ZDHHC23: variants seen among roughly 807,000 people sequenced by gnomAD.
ZDHHC23 encodes the protein zDHHC palmitoyltransferase 23.
In ZDHHC23, 41 loss-of-function variants were observed where a neutral mutation model predicts 40.2. That is an observed-to-expected ratio of 1.02 (90% CI 0.79 to 1.32). The LOEUF (loss-of-function observed/expected upper bound fraction) is 1.32, where lower values mean the gene tolerates loss of function less well. ZDHHC23 is among the 40% of genes most tolerant of loss of function. The pLI, the probability that ZDHHC23 is intolerant of heterozygous loss-of-function variation, is 0.00. For synonymous variants in ZDHHC23, 204 were observed against 210.2 expected (o/e 0.97, Z 0.26); for missense variants, 471 against 541.5 (o/e 0.87, Z 1.29).
chr3:113,953,356 T>C (rs1559842948), intron 2 of ZDHHC23, among the ~76,000 whole-genome samples: 1 of 152,254 alleles, frequency 6.6e-6, no homozygotes, highest in Non-Finnish European at 1.5e-5. Context: ...ACTTACCTAA[T>C]AGTTCTTAAA....
intron 2 of ZDHHC23, among the ~76,000 whole-genome samples, chr3:113,952,459 C>T (rs901986941): frequency 7.9e-5 from 12 of 152,192 alleles, no homozygotes; most frequent in African/African-American, 2.9e-4. Flanking sequence ...TTGAGGCTTT[C>T]TCTGCAGCTC....
At chr3:113,957,452 A>C in intron 4 of ZDHHC23, 1 of 354,770 alleles carries the variant, frequency 2.8e-6, no homozygotes. Context: ...GAGTATCTCC[A>C]GCATGTGAAT....
chr3:113,954,869 G>A (rs1293606844), intron 3 of ZDHHC23, among the ~76,000 whole-genome samples: 2 of 152,046 alleles, frequency 1.3e-5, no homozygotes, highest in East Asian at 3.8e-4. Flanking sequence ...TGATGCTACC[G>A]ATGATTTCCA....
At position 113,954,306 on chromosome 3, in the gene ZDHHC23, G is replaced by A. The variant is rs778568426; in HGVS notation, c.768G>A (p.Ala256=). The A allele has an allele frequency of 5.7e-5, 92 of 1,613,966 alleles. No homozygotes were observed. The highest frequency in any genetic ancestry group is 2.7e-4 in the East Asian group (12 of 44,896). ...TGCCAGCTGGAAGCCCCACCAAAGC[G>A]AAGGAGGACTGGTGTGCCAAGTGCC... ...SKMPAGSPTK[A]KEDWCAKCQL... Residue 256 remains alanine, a synonymous_variant, in exon 3 of 5, where the codon GCG becomes GCA. Coordinates refer to ENST00000638807, the MANE Select transcript of ZDHHC23 (RefSeq NM_001320466.2).
chr3:113,958,096 T>C (rs1397008509), intron 4 of ZDHHC23, among the ~76,000 whole-genome samples: 1 of 152,070 alleles, frequency 6.6e-6, no homozygotes, highest in Admixed American at 6.6e-5. Flanking sequence ...GCGTGCTGGG[T>C]GTGTGGAGGG....
Position 113,960,930 on chromosome 3 carries a change from A to AG in ZDHHC23, c.*2304dup. 1.4e-6 allele frequency: 1 copy of AG among 718,854 alleles called. No individual in the cohort carries two copies. The highest frequency in any genetic ancestry group is 2.1e-6 in the Non-Finnish European group (1 of 475,364). The allele number at this position is 718,854 out of a possible 1,614,324, so 44.5% of individuals were successfully genotyped here. ...TCTGTACCGAAAGGAGCAGCAAACA[A>AG]GGGGCTAATCCATGAGCAGTGTTCT... On this transcript the variant is annotated 3_prime_UTR_variant, in exon 5 of 5. Coordinates refer to ENST00000638807, the MANE Select transcript of ZDHHC23 (RefSeq NM_001320466.2).
chr3:113,963,732 G>C (rs887899110), downstream of ZDHHC23, among the ~76,000 whole-genome samples: 3 of 151,764 alleles, frequency 2.0e-5, no homozygotes, highest in African/African-American at 7.3e-5. Context: ...GACAGAGTGA[G>C]ACCCTGTCTC....
chr3:113,958,846 A>G lies in ZDHHC23; in HGVS notation c.*216A>G. On this transcript the variant is annotated 3_prime_UTR_variant, in exon 5 of 5. Coordinates refer to ENST00000638807, the MANE Select transcript of ZDHHC23 (RefSeq NM_001320466.2). ...AGTAAAAGTAGAGCCATTCCTTTCC[A>G]GTCACCTTTTTAATTGACTCAGTTG... The G allele has an allele frequency of 7.3e-7, 1 of 1,373,040 alleles. No individual in the cohort carries two copies. Among genetic ancestry groups the G allele is most frequent in the Non-Finnish European group, 9.6e-7 (1 of 1,045,086 alleles). The allele number at this position is 1,373,040 out of a possible 1,614,324, so 85.1% of individuals were successfully genotyped here. A position where few individuals can be genotyped will look rare whatever the true frequency, so the allele number is the denominator to read the frequency against.
chr3:113,953,912 T>G lies in ZDHHC23; in HGVS notation c.374T>G (p.Leu125Arg). The change falls in exon 3 of 5, where the codon CTG (leucine) becomes CGG (arginine). Residue 125 changes from leucine to arginine, a missense_variant. Transcript: ENST00000638807. ...VVLTSLPVLALWYYYLTHRRK... is the reference protein window; with the variant it reads ...VVLTSLPVLARWYYYLTHRRK... Reference sequence around the variant, plus strand: ...TTGACCTCCCTTCCTGTGCTGGCACTGTGGTACTACTACCTCACTCACAGA... The same window carrying G: ...TTGACCTCCCTTCCTGTGCTGGCACGGTGGTACTACTACCTCACTCACAGA... 6.2e-7 allele frequency: 1 copy of G among 1,614,186 alleles called. No homozygotes were observed. Among genetic ancestry groups the G allele is most frequent in the Non-Finnish European group, 8.5e-7 (1 of 1,180,026 alleles).
At chr3:113,963,653 C>G (rs943625368), downstream of ZDHHC23, among the ~76,000 whole-genome samples, 1 of 151,104 alleles carries the variant, frequency 6.6e-6, no homozygotes, top group Non-Finnish European at 1.5e-5. Context: ...GGAGGATCAC[C>G]TGAGTCTGAG....
chr3:113,953,592 C>T (rs1234347142), intron 2 of ZDHHC23, 108 bp from the exon 3 acceptor site: 2 of 961,514 alleles, frequency 2.1e-6, no homozygotes. Flanking sequence ...AATGCTTGGT[C>T]TTTGGTAGCT....
chr3:113,974,383 G>T, the ZDHHC23 span, among the ~76,000 whole-genome samples: 2 of 150,920 alleles, frequency 1.3e-5, no homozygotes, highest in Non-Finnish European at 2.9e-5. Flanking sequence ...GCAGTGGCAT[G>T]ATCTCAGCTC....
At chr3:113,956,786 A>G (rs1049484589) in intron 4 of ZDHHC23, among the ~76,000 whole-genome samples, 18 of 102,252 alleles carry the variant, frequency 1.8e-4, no homozygotes, top group Non-Finnish European at 3.5e-4. Context: ...ATGACCACTC[A>G]TAGGCTCAAA....
chr3:113,955,389 T>TGTGTGTGTGTGC (rs368956826), intron 3 of ZDHHC23, among the ~76,000 whole-genome samples: 34 of 140,252 alleles, frequency 2.4e-4, no homozygotes, highest in African/African-American at 8.5e-4. Flanking sequence ...TGTGTGTGTG[T>TGTGTGTGTGTGC]GTGCGTGTGT....
At chr3:113,967,725 T>C (rs1005455961), downstream of ZDHHC23, among the ~76,000 whole-genome samples, 2 of 152,180 alleles carry the variant, frequency 1.3e-5, no homozygotes, top group African/African-American at 4.8e-5. Flanking sequence ...TATTGAACAT[T>C]AGGCCTTATT....
chr3:113,978,098 A>T, the ZDHHC23 span: 1 of 1,451,888 alleles, frequency 6.9e-7, no homozygotes, highest in Non-Finnish European at 9.6e-7. Context: ...CCTCCAGCTC[A>T]TCTCTGCAGA....
the ZDHHC23 span, among the ~76,000 whole-genome samples, chr3:113,970,788 A>G: frequency 1.9e-3 from 288 of 152,064 alleles, 2 homozygotes; most frequent in African/African-American, 6.6e-3. Flanking sequence ...TCATTGTCCA[A>G]TTCCCACCTA....
downstream of ZDHHC23, chr3:113,965,377 G>T (rs1559860873): frequency 2.7e-6 from 4 of 1,490,426 alleles, no homozygotes; most frequent in Non-Finnish European, 3.6e-6. Context: ...AATAAAGAAG[G>T]AAAAAAGTGA....
Position 113,960,362 on chromosome 3 carries a change from C to T in ZDHHC23, c.*1732C>T, listed in dbSNP as rs1939598065. 2 of 1,137,742 alleles carry T rather than the reference C, an allele frequency of 1.8e-6. No homozygotes were observed. The highest frequency in any genetic ancestry group is 4.4e-5 in the South Asian group (2 of 45,700). 70.5% of individuals were successfully genotyped at this position (1,137,742 alleles called of 1,614,324 possible). On this transcript the variant is annotated 3_prime_UTR_variant, in exon 5 of 5. Transcript: ENST00000638807. ...AGACTCTGGGGTTTGTACAGTGATGCCTTCTCCCTGGCCCAGAGCTGAATA... is the reference window on the plus strand; with the variant it reads ...AGACTCTGGGGTTTGTACAGTGATGTCTTCTCCCTGGCCCAGAGCTGAATA...
Sources: allele counts gnomAD v4.1 joint callset (sites outside exome capture counted in the v4.1 genomes callset), GRCh38; gene constraint gnomAD v4.1.1; transcripts MANE v1.5; gene names NCBI Gene and HGNC (gene_info 2026-07-23, HGNC 2026-07-21).